ATRX: variants seen among roughly 807,000 people sequenced by gnomAD.
ATRX encodes ATRX chromatin remodeler.
In ATRX, 12 loss-of-function variants were observed where a neutral mutation model predicts 172.6. The observed-to-expected ratio is 0.07, with a 90% CI of 0.04 to 0.11. The LOEUF (loss-of-function observed/expected upper bound fraction) is 0.11. Ranked by LOEUF, ATRX falls within the 10% of genes least tolerant of loss-of-function variation. ATRX has a pLI of 1.00. For missense variants in ATRX, 1,368 were observed against 1,767.4 expected (o/e 0.77, Z 4.05); for synonymous variants, 674 against 594.7 (o/e 1.13, Z -1.94).
rs1557032994 is a variant in ATRX, at chrX:77,506,415, T to C, written c.*1936A>G. The C allele has an allele frequency of 1.7e-5, 3 of 172,864 alleles. No individual in the cohort carries two copies. The highest frequency in any genetic ancestry group is 8.2e-5 in the East Asian group (1 of 12,182). 14.2% of individuals were successfully genotyped at this position (172,864 alleles called of 1,213,427 possible). On this transcript the variant is annotated 3_prime_UTR_variant, in exon 35 of 35. Coordinates refer to ENST00000373344, the MANE Select transcript of ATRX (RefSeq NM_000489.6). ...TCCATGGTGAAAAAGATTTAGAAGG[T>C]TGCCTAAAATTTTCACATCTATGTC... is the stretch of plus-strand genomic sequence containing the variant.
chrX:77,527,919 T>C (rs376566584), intron 30 of ATRX, among the ~76,000 whole-genome samples: 80 of 110,815 alleles, frequency 7.2e-4, no homozygotes, highest in African/African-American at 1.4e-3. Context: ...CGCAGTGCAG[T>C]GGCCTTGCCA....
intron 34 of ATRX, among the ~76,000 whole-genome samples, chrX:77,513,889 G>C (rs782675724): frequency 1.8e-5 from 2 of 111,286 alleles, no homozygotes; most frequent in Non-Finnish European, 3.8e-5. Flanking sequence ...TTCTTAAGCT[G>C]ATAAACAAGT....
Position 77,538,054 on chromosome X carries a change from G to A in ATRX, c.6700-14653C>T, listed in dbSNP as rs1602429702. Among the ~76,000 whole-genome samples the A allele has an allele frequency of 2.7e-5, 3 of 110,200 alleles. No homozygotes were observed. In the South Asian group the frequency reaches 1.2e-3, roughly 44 times the overall value. On this transcript the variant is annotated intron_variant, in intron 30 of 34. Coordinates refer to ENST00000373344, the MANE Select transcript of ATRX (RefSeq NM_000489.6). Reference sequence around the variant, plus strand: ...TGTCGGGGTGAGGGTTGAGGGGAGGGAGAGCATCAGGAAGAATAGCTAATA... The same window carrying A: ...TGTCGGGGTGAGGGTTGAGGGGAGGAAGAGCATCAGGAAGAATAGCTAATA...
rs1057522580 is a variant in ATRX, at chrX:77,684,409, C to T, written c.847G>A (p.Val283Ile). The stretch of plus-strand genomic sequence containing the variant: ...AACAACTGTTCTAAATTCTCAAATA[C>T]GCTGTTACATGCAGTGACCAAGTCC... ...LLDLVTACNS[V>I]FENLEQLLQQ... Residue 283 changes from valine (V) to isoleucine (I), a missense_variant, in exon 9 of 35, where the codon GTA becomes ATA. Physicochemically the swap from Val to Ile is conservative, Grantham distance 29 (BLOSUM62 3). Transcript: ENST00000373344. 7 of 1,211,206 alleles carry T rather than the reference C, an allele frequency of 5.8e-6. No homozygotes were observed. The highest frequency in any genetic ancestry group is 3.0e-5 in the East Asian group (1 of 33,859).
intron 29 of ATRX, among the ~76,000 whole-genome samples, chrX:77,558,250 AAAAAT>A (rs1206597578): frequency 9.0e-6 from 1 of 111,352 alleles, no homozygotes; most frequent in Non-Finnish European, 1.9e-5. Flanking sequence ...CAGGAAAGAA[AAAAAT>A]AAAAGAAAAT....
At chrX:77,751,060 G>A (rs2075282736) in intron 1 of ATRX, among the ~76,000 whole-genome samples, 1 of 111,782 alleles carries the variant, frequency 8.9e-6, no homozygotes, top group Admixed American at 9.5e-5. Context: ...TGGGATTGCT[G>A]GGTCAAATTG....
intron 22 of ATRX, among the ~76,000 whole-genome samples, chrX:77,606,000 G>A (rs782268854): frequency 4.2e-4 from 47 of 111,397 alleles, no homozygotes; most frequent in Admixed American, 9.5e-4. Flanking sequence ...AAACCTAGAA[G>A]AAATGGATAA....
intron 1 of ATRX, among the ~76,000 whole-genome samples, chrX:77,765,371 T>C (rs1322753193): frequency 2.7e-5 from 3 of 112,246 alleles, no homozygotes; most frequent in Admixed American, 9.5e-5. Flanking sequence ...GTGTAGCTAA[T>C]TTACTTTCTT....
chrX:77,556,091 G>A (rs1334702991), intron 30 of ATRX, among the ~76,000 whole-genome samples: 3 of 104,438 alleles, frequency 2.9e-5, no homozygotes, highest in South Asian at 4.5e-4. Context: ...CAGGAGAATC[G>A]CTTGAACCCA....
At chrX:77,547,761 G>C (rs782157931) in intron 30 of ATRX, among the ~76,000 whole-genome samples, 11 of 111,195 alleles carry the variant, frequency 9.9e-5, no homozygotes, top group Non-Finnish European at 2.1e-4. Flanking sequence ...TGATCTCTGG[G>C]GGAATGCAAG....
intron 30 of ATRX, 58 bp from the exon 31 acceptor site, chrX:77,523,459 T>G: frequency 9.1e-7 from 1 of 1,093,609 alleles, no homozygotes; most frequent in Middle Eastern, 2.5e-4. Flanking sequence ...CAGTATAATA[T>G]CTCCATAGTT....
chrX:77,749,127 G>A (rs782089490), intron 1 of ATRX, among the ~76,000 whole-genome samples: 2 of 110,497 alleles, frequency 1.8e-5, no homozygotes, highest in Non-Finnish European at 3.8e-5. Flanking sequence ...TCACCTTTTG[G>A]AGTCTCCAAT....
At chrX:77,700,221 G>A (rs1340599590) in intron 2 of ATRX, among the ~76,000 whole-genome samples, 1 of 111,634 alleles carries the variant, frequency 9.0e-6, no homozygotes, top group Non-Finnish European at 1.9e-5. Flanking sequence ...AAGATATACA[G>A]ACGCAAATAA....
In ATRX at chrX:77,758,527, G is replaced by A. The variant is rs886301688; in HGVS notation, c.20+27455C>T. On this transcript the variant is annotated intron_variant, in intron 1 of 34. Transcript: ENST00000373344. Reference sequence around the variant, plus strand: ...TCCCAGCACTTTGGGAGGCCAAGGCGGGTGGATCACTTGAGGTCAGGAGTT... The same window carrying A: ...TCCCAGCACTTTGGGAGGCCAAGGCAGGTGGATCACTTGAGGTCAGGAGTT... Among the ~76,000 whole-genome samples the A allele has an allele frequency of 4.0e-4, 44 of 109,456 alleles. 1 individual carries two copies. The highest frequency in any genetic ancestry group is 5.7e-4 in the Non-Finnish European group (30 of 52,520).
At chrX:77,696,471 T>C in intron 5 of ATRX, 106 bp downstream of exon 5, 1 of 855,852 alleles carries the variant, frequency 1.2e-6, no homozygotes, top group Non-Finnish European at 1.7e-6. Flanking sequence ...AAATGCCATG[T>C]TTGGTCGTTT....
intron 1 of ATRX, among the ~76,000 whole-genome samples, chrX:77,762,401 T>G (rs2075752606): frequency 9.1e-6 from 1 of 109,916 alleles, no homozygotes; most frequent in Non-Finnish European, 1.9e-5. Flanking sequence ...CCCTCATTCA[T>G]TCTACTTAGT....
Position 77,683,654 on chromosome X carries a change from A to C in ATRX, c.1602T>G (p.Thr534=). The change falls in exon 9 of 35, where the codon ACT becomes ACG. Residue 534 remains threonine (T), a synonymous_variant. Transcript: ENST00000373344. ...CAACTGAACTCTGAACTTCCATAGC[A>C]GTCTCAAGATTCTCAAAAATGTCTT... The part of the protein sequence containing the change: ...VPEDIFENLE[T]AMEVQSSVDH... The C allele has an allele frequency of 8.3e-7, 1 of 1,211,235 alleles. No homozygotes were observed. The highest frequency in any genetic ancestry group is 1.1e-6 in the Non-Finnish European group (1 of 894,965).
chrX:77,511,184 G>C (rs782569137), intron 34 of ATRX, among the ~76,000 whole-genome samples: 1 of 111,811 alleles, frequency 8.9e-6, no homozygotes, highest in African/African-American at 3.2e-5. Flanking sequence ...TCTTATCCAA[G>C]ACCACCAAGG....
chrX:77,780,178 C>T lies in ATRX; in HGVS notation c.20+5804G>A, dbSNP rs1249735513. 9.0e-5 allele frequency among the ~76,000 whole-genome samples: 10 copies of T among 111,501 alleles called. No individual in the cohort carries two copies. The Admixed American group carries it at 9.6e-4, about 11-fold the overall frequency. On this transcript the variant is annotated intron_variant, in intron 1 of 34. Coordinates refer to ENST00000373344, the MANE Select transcript of ATRX (RefSeq NM_000489.6). ...ACTATGACAAGTATCAGCAACAAAA[C>T]ACCTGTAACCTAACCATGTAAGTTT...
Sources: gnomAD v4.1 joint callset for allele counts (sites outside exome capture counted in the v4.1 genomes callset) on GRCh38, gnomAD v4.1.1 for gene constraint, MANE v1.5 for transcripts, NCBI Gene and HGNC (gene_info 2026-07-23, HGNC 2026-07-21) for gene names.